RBMS3: variants seen among roughly 807,000 people sequenced by gnomAD.
The protein encoded by RBMS3 is RNA binding motif single stranded interacting protein 3.
A neutral mutation model predicts 66.8 loss-of-function variants in RBMS3; 27 were observed. The observed-to-expected ratio is 0.40, with a 90% CI of 0.30 to 0.56. RBMS3 has a LOEUF of 0.56. Among genes scored for constraint, RBMS3 ranks in the 20% least tolerant of loss-of-function variants. RBMS3 has a pLI of 0.40. For missense variants in RBMS3, 513 were observed against 549.5 expected, an observed-to-expected ratio of 0.93 and a Z score of 0.66; for synonymous variants, 188 against 183.0, an observed-to-expected ratio of 1.03 and a Z score of -0.22.
At chr3:29,392,339 A>G (rs1425846450) in intron 1 of RBMS3, among the ~76,000 whole-genome samples, 2 of 152,212 alleles carry the variant, frequency 1.3e-5, no homozygotes, top group Non-Finnish European at 2.9e-5. Context: ...GAATATGTGT[A>G]TGATACTACC....
chr3:29,462,055 G>A (rs534740786), intron 2 of RBMS3, among the ~76,000 whole-genome samples: 1 of 150,274 alleles, frequency 6.7e-6, no homozygotes, highest in South Asian at 2.1e-4. Flanking sequence ...GATTACAGGC[G>A]TGAGCCACCG....
At chr3:29,818,788 G>A (rs2057991571) in intron 6 of RBMS3, among the ~76,000 whole-genome samples, 2 of 151,990 alleles carry the variant, frequency 1.3e-5, no homozygotes, top group Non-Finnish European at 2.9e-5. Context: ...AATATATAAT[G>A]TGACTCCTTA....
At chr3:29,292,136 A>G (rs2032866349) in intron 1 of RBMS3, among the ~76,000 whole-genome samples, 1 of 151,744 alleles carries the variant, frequency 6.6e-6, no homozygotes, top group African/African-American at 2.4e-5. Context: ...CCAGCCCTCT[A>G]GACAGATCTC....
chr3:29,986,855 A>G (rs141774145), intron 12 of RBMS3, among the ~76,000 whole-genome samples: 2 of 152,198 alleles, frequency 1.3e-5, no homozygotes, highest in Non-Finnish European at 2.9e-5. Flanking sequence ...AGGCATGAGA[A>G]TCGCTTGAAC....
intron 1 of RBMS3, among the ~76,000 whole-genome samples, chr3:29,336,175 C>G (rs571880374): frequency 6.6e-6 from 1 of 152,090 alleles, no homozygotes; most frequent in Non-Finnish European, 1.5e-5. Context: ...AATATTTTGA[C>G]ATTTTCTTCA....
intron 3 of RBMS3, among the ~76,000 whole-genome samples, chr3:29,531,718 G>A (rs996461656): frequency 2.0e-5 from 3 of 152,160 alleles, no homozygotes; most frequent in African/African-American, 7.2e-5. Context: ...GCAGTTCTGT[G>A]CATCTGCAGG....
chr3:29,784,675 G>C (rs1195876757), intron 6 of RBMS3, among the ~76,000 whole-genome samples: 1 of 151,352 alleles, frequency 6.6e-6, no homozygotes, highest in South Asian at 2.1e-4. Flanking sequence ...AAGAAAATAC[G>C]TAACAAAGAT....
At chr3:29,450,410 T>C (rs1428931476) in intron 2 of RBMS3, among the ~76,000 whole-genome samples, 1 of 152,192 alleles carries the variant, frequency 6.6e-6, no homozygotes, top group African/African-American at 2.4e-5. Flanking sequence ...CACAAAACTG[T>C]TTGATTTCCA....
intron 8 of RBMS3, among the ~76,000 whole-genome samples, chr3:29,886,954 T>A (rs1184269211): frequency 6.6e-6 from 1 of 151,764 alleles, no homozygotes; most frequent in Non-Finnish European, 1.5e-5. Context: ...TTCAGGGTTC[T>A]CCATCAAGGG....
At chr3:29,923,106 C>G (rs2060837145) in intron 10 of RBMS3, among the ~76,000 whole-genome samples, 1 of 152,164 alleles carries the variant, frequency 6.6e-6, no homozygotes, top group South Asian at 2.1e-4. Flanking sequence ...ATTGCCTCTC[C>G]CTTGTAACAT....
intron 6 of RBMS3, among the ~76,000 whole-genome samples, chr3:29,859,342 A>G (rs1430833346): frequency 2.0e-5 from 3 of 152,162 alleles, no homozygotes; most frequent in Admixed American, 1.3e-4. Context: ...TTTTTGCCCC[A>G]TTCCAAAATG....
chr3:29,522,151 A>G (rs1156321276), intron 3 of RBMS3, among the ~76,000 whole-genome samples: 1 of 152,152 alleles, frequency 6.6e-6, no homozygotes, highest in African/African-American at 2.4e-5. Context: ...TAGAGGAGCA[A>G]TCCAGAGGTT....
chr3:29,679,208 C>A (rs2051383885), intron 4 of RBMS3, among the ~76,000 whole-genome samples: 1 of 151,888 alleles, frequency 6.6e-6, no homozygotes, highest in Admixed American at 6.6e-5. Context: ...TTTGAAAAAC[C>A]ACTGATATTG....
intron 2 of RBMS3, among the ~76,000 whole-genome samples, chr3:29,443,563 G>T (rs1489084214): frequency 1.3e-5 from 2 of 152,090 alleles, no homozygotes; most frequent in African/African-American, 4.8e-5. Context: ...CAGAAATAAT[G>T]CATTACAGAC....
At chr3:29,872,278 A>T (rs1404519061) in intron 7 of RBMS3, among the ~76,000 whole-genome samples, 4 of 152,158 alleles carry the variant, frequency 2.6e-5, no homozygotes, top group Admixed American at 2.6e-4. Context: ...TTATTAAAAT[A>T]TATTTTTTAA....
intron 12 of RBMS3, among the ~76,000 whole-genome samples, chr3:29,965,817 C>T (rs954893482): frequency 5.9e-5 from 9 of 152,088 alleles, no homozygotes; most frequent in Non-Finnish European, 8.8e-5. Context: ...GCCAATGTCT[C>T]GAAGGGTTTT....
chr3:29,984,492 A>G (rs553312450), intron 12 of RBMS3, among the ~76,000 whole-genome samples: 1 of 151,974 alleles, frequency 6.6e-6, no homozygotes, highest in East Asian at 2.0e-4. Context: ...GAGAAGAGGC[A>G]TTCTGGTTTT....
chr3:29,407,894 T>C (rs969285693), intron 1 of RBMS3, among the ~76,000 whole-genome samples: 12 of 152,282 alleles, frequency 7.9e-5, no homozygotes, highest in Non-Finnish European at 1.6e-4. Flanking sequence ...ATAACATTAG[T>C]AAATAAATAT....
At chr3:29,996,619 C>T (rs1484685647) in intron 14 of RBMS3, among the ~76,000 whole-genome samples, 1 of 150,576 alleles carries the variant, frequency 6.6e-6, no homozygotes, top group East Asian at 1.9e-4. Context: ...GAATCTCACT[C>T]AAAACTGCTC....
Sources: allele counts gnomAD v4.1 joint callset (sites outside exome capture counted in the v4.1 genomes callset), GRCh38; gene constraint gnomAD v4.1.1; transcripts MANE v1.5; gene names NCBI Gene and HGNC (gene_info 2026-07-23, HGNC 2026-07-21).